The following RAB41 variants were observed in gnomAD, a reference collection of about 807,000 sequenced individuals.
The protein encoded by RAB41 is RAB41, member RAS oncogene family, also known as ras-related protein Rab-41.
RAB41 carries 15 observed loss-of-function variants against 19.0 expected under a neutral mutation model. The observed-to-expected ratio is 0.79, with a 90% CI of 0.53 to 1.21. The LOEUF is 1.21. Among genes scored for constraint, RAB41 ranks in the 50% most tolerant of loss-of-function variants. RAB41 has a pLI of 0.00. For missense variants in RAB41, 177 were observed against 179.7 expected, an observed-to-expected ratio of 0.99 and a Z score of 0.09; for synonymous variants, 73 against 64.7, an observed-to-expected ratio of 1.13 and a Z score of -0.62.
rs913120481 is a variant in RAB41 at position 70,283,495 on chromosome X, G to A, written c.344-18G>A. The A allele has an allele frequency of 1.7e-6, 2 of 1,162,860 alleles. No individual in the cohort carries two copies. The highest frequency in any genetic ancestry group is 1.2e-6 in the Non-Finnish European group (1 of 850,738). On this transcript the variant is annotated intron_variant, in intron 4 of 7. Coordinates refer to ENST00000374473, the MANE Select transcript of RAB41 (RefSeq NM_001363807.1). ...CTCTCCTAAATGTTTCAACGCTCTG[G>A]AACATATTCTCTTGCAGACATCAAT...
At chrX:70,283,417 GGATT>G (rs779342918) in intron 4 of RAB41, 44 bp downstream of exon 4, 23 of 1,106,323 alleles carry the variant, frequency 2.1e-5, no homozygotes, top group Non-Finnish European at 2.7e-5. Flanking sequence ...GATTATAAAG[GGATT>G]GATAGGGAGA....
intron 1 of RAB41, 87 bp from the exon 2 acceptor site, chrX:70,282,446 A>G: frequency 8.6e-7 from 1 of 1,160,096 alleles, no homozygotes; most frequent in Non-Finnish European, 1.2e-6. Flanking sequence ...GAAAGATTGG[A>G]GTTGGAGGAG....
At position 70,282,495 on chromosome X, in the gene RAB41, A is replaced by G. The variant is rs1489281100; in HGVS notation, c.125-38A>G. ...TAGAAACTTTGAGGGGAGAAAGGGC[A>G]CTGAGGGCGACGATTGGCCTGCTTA... On this transcript the variant is annotated intron_variant, in intron 1 of 7. Coordinates refer to ENST00000374473, the MANE Select transcript of RAB41 (RefSeq NM_001363807.1). 8 of 1,189,339 alleles carry G rather than the reference A, an allele frequency of 6.7e-6. No homozygotes were observed. In the Admixed American group the frequency reaches 1.3e-4, roughly 20 times the overall value.
chrX:70,282,353 G>T lies in RAB41; in HGVS notation c.124+12G>T. 1.7e-6 allele frequency: 2 copies of T among 1,211,129 alleles called. No individual in the cohort carries two copies. Among genetic ancestry groups the T allele is most frequent in the Non-Finnish European group, 2.2e-6 (2 of 894,842 alleles). The stretch of plus-strand genomic sequence containing the variant: ...GGGAGAGCAGAGCGGTGTGGGTCTG[G>T]GTTGGGCTTTGGGGACATGGAGGTG... On this transcript the variant is annotated intron_variant, in intron 1 of 7. Transcript: ENST00000374473.
At chrX:70,283,429 A>G (rs2085699927) in intron 4 of RAB41, 56 bp downstream of exon 4, 1 of 1,103,580 alleles carries the variant, frequency 9.1e-7, no homozygotes, top group South Asian at 1.8e-5. Context: ...ATTGATAGGG[A>G]GATTGACAAA....
rs773484731 is a variant in RAB41, at chrX:70,282,583, G to A, written c.175G>A (p.Ala59Thr). The change falls in exon 2 of 8, where the codon GCC becomes ACC. Residue 59 changes from alanine to threonine, a missense_variant. Coordinates refer to ENST00000374473, the MANE Select transcript of RAB41 (RefSeq NM_001363807.1). ...SRFMYNSFGC[A>T]CQATVGIDFL... ...CTTCATGTACAACAGCTTCGGCTGC[G>A]CCTGCCAGGTAAGACCACCACCGAG... is the stretch of plus-strand genomic sequence containing the variant. 25 of 1,207,175 alleles carry A rather than the reference G, an allele frequency of 2.1e-5. No homozygotes were observed. The highest frequency in any genetic ancestry group is 8.8e-5 in the Admixed American group (4 of 45,696).
chrX:70,282,775 T>C (rs750261299), intron 2 of RAB41, 27 bp from the exon 3 acceptor site: 1 of 1,204,109 alleles, frequency 8.3e-7, no homozygotes, highest in African/African-American at 1.7e-5. Flanking sequence ...GAGGGAATGC[T>C]GGAGTGTATC....
Position 70,282,567 on chromosome X carries a change from C to T in RAB41, c.159C>T (p.Tyr53=). The change falls in exon 2 of 8, where the codon TAC becomes TAT. Residue 53 remains tyrosine, a synonymous_variant. Coordinates refer to ENST00000374473, the MANE Select transcript of RAB41 (RefSeq NM_001363807.1). The part of the protein sequence containing the change: ...GKTSIISRFM[Y]NSFGCACQAT... ...CATCCATCATCAGCCGCTTCATGTA[C>T]AACAGCTTCGGCTGCGCCTGCCAGG... The T allele has an allele frequency of 4.1e-6, 5 of 1,211,177 alleles. No individual in the cohort carries two copies. Among genetic ancestry groups the T allele is most frequent in the Non-Finnish European group, 5.6e-6 (5 of 894,948 alleles).
At chrX:70,283,206 T>C (rs1450138216) in intron 3 of RAB41, 62 bp from the exon 4 acceptor site, 12 of 994,397 alleles carry the variant, frequency 1.2e-5, no homozygotes, top group Non-Finnish European at 1.7e-5. Flanking sequence ...GTTTGAGCTT[T>C]TTAAAAAGGC....
At position 70,283,283 on chromosome X, in the gene RAB41, T is replaced by C. The variant is rs2085698757; in HGVS notation, c.253T>C (p.Trp85Arg). The change falls in exon 4 of 8, where the codon TGG becomes CGG. Residue 85 changes from tryptophan to arginine, a missense_variant. Transcript: ENST00000374473. ...TTTTATGCAGGTTCAGCTGCAGCTA[T>C]GGGACACAGCTGGCCAGGAGCGCTT... ...LEDQIVQLQL[W>R]DTAGQERFHS... The C allele has an allele frequency of 3.3e-6, 4 of 1,208,979 alleles. No homozygotes were observed. In the African/African-American group the frequency reaches 5.2e-5, roughly 16 times the overall value.
intron 3 of RAB41, 87 bp downstream of exon 3, chrX:70,282,942 T>A: frequency 1.3e-6 from 1 of 762,766 alleles, no homozygotes. Context: ...CAAAAAAAAC[T>A]GAAGCCTCTT....
rs1299226718 is a variant in RAB41, at chrX:70,284,192, A to G, written c.550-74A>G. 4 of 1,115,821 alleles carry G rather than the reference A, an allele frequency of 3.6e-6. No homozygotes were observed. In the African/African-American group the frequency reaches 7.5e-5, roughly 21 times the overall value. The allele number at this position is 1,115,821 out of a possible 1,213,427, so 92.0% of individuals were successfully genotyped here. A position where few individuals can be genotyped will look rare whatever the true frequency, so the allele number is the denominator to read the frequency against. Reference sequence around the variant, plus strand: ...TCATGTATCTCAAAGGCCCTGAATTATCCTAGCCTCTGAACCTGACCTTTT... The same window carrying G: ...TCATGTATCTCAAAGGCCCTGAATTGTCCTAGCCTCTGAACCTGACCTTTT... On this transcript the variant is annotated intron_variant, in intron 6 of 7. Transcript: ENST00000374473.
intron 3 of RAB41, 51 bp from the exon 4 acceptor site, chrX:70,283,217 T>C (rs374093315): frequency 2.6e-5 from 27 of 1,022,240 alleles, no homozygotes; most frequent in Non-Finnish European, 4.1e-6. Flanking sequence ...TTAAAAAGGC[T>C]AGTTTCTTGT....
chrX:70,282,968 T>C (rs755231731), intron 3 of RAB41, 113 bp downstream of exon 3: 33 of 623,557 alleles, frequency 5.3e-5, no homozygotes, highest in Admixed American at 5.2e-4. Context: ...TACCAAGCCC[T>C]ATGATGTTTC....
Position 70,284,737 on chromosome X carries a change from C to T in RAB41, c.*94C>T, listed in dbSNP as rs1055098050. The T allele has an allele frequency of 1.0e-5, 7 of 679,001 alleles. No individual in the cohort carries two copies. The African/African-American group carries it at 1.3e-4, about 12-fold the overall frequency. 56.0% of individuals were successfully genotyped at this position (679,001 alleles called of 1,213,427 possible). A position where few individuals can be genotyped will look rare whatever the true frequency, so the allele number is the denominator to read the frequency against. ...CCCACCTCGTTTTATGATACATGGCCACTTACTCTCTTCCAATTCCTAGGC... is the reference window on the plus strand; with the variant it reads ...CCCACCTCGTTTTATGATACATGGCTACTTACTCTCTTCCAATTCCTAGGC... On this transcript the variant is annotated 3_prime_UTR_variant, in exon 8 of 8. Transcript: ENST00000374473.
intron 4 of RAB41, 69 bp from the exon 5 acceptor site, chrX:70,283,444 G>C: frequency 9.1e-7 from 1 of 1,099,934 alleles, no homozygotes; most frequent in Non-Finnish European, 1.3e-6. Flanking sequence ...GACAAAATTA[G>C]CAGAGAGGAA....
chrX:70,284,041 A>G lies in RAB41; in HGVS notation c.547A>G (p.Lys183Glu). 1 of 1,156,376 alleles carries G rather than the reference A, an allele frequency of 8.6e-7. No individual in the cohort carries two copies. Among genetic ancestry groups the G allele is most frequent in the Non-Finnish European group, 1.2e-6 (1 of 845,481 alleles). ...TSAKTGYNVK[K>E]LFRRVASALL... The stretch of plus-strand genomic sequence containing the variant: ...TGCCAAAACCGGTTACAACGTGAAA[A>G]AGGTAATACTTGTTTCTTTCTATGA... The change falls in exon 6 of 8, where the codon AAG becomes GAG. Residue 183 changes from lysine (K) to glutamate (E), a missense_variant and splice_region_variant. Coordinates refer to ENST00000374473, the MANE Select transcript of RAB41 (RefSeq NM_001363807.1).
rs2085695317 is a variant in RAB41, at chrX:70,282,730, A to T, written c.184-72A>T. 2.7e-6 allele frequency: 3 copies of T among 1,123,043 alleles called. No homozygotes were observed. The African/African-American group carries it at 5.4e-5, about 20-fold the overall frequency. 92.6% of individuals were successfully genotyped at this position (1,123,043 alleles called of 1,213,427 possible). A position where few individuals can be genotyped will look rare whatever the true frequency, so the allele number is the denominator to read the frequency against. On this transcript the variant is annotated intron_variant, in intron 2 of 7. Coordinates refer to ENST00000374473, the MANE Select transcript of RAB41 (RefSeq NM_001363807.1). ...ACAACTTCTTGAAGGGTCATTCTCC[A>T]CTTTGGGTTCTAAGACTGCCTCATA...
chrX:70,284,213 C>CT (rs376731795), intron 6 of RAB41, 53 bp from the exon 7 acceptor site: 75 of 929,964 alleles, frequency 8.1e-5, no homozygotes, highest in African/African-American at 1.8e-4. Flanking sequence ...TGAACCTGAC[C>CT]TTTTTTTTTT....
Sources: gnomAD v4.1 joint callset for allele counts on GRCh38, gnomAD v4.1.1 for gene constraint, MANE v1.5 for transcripts, NCBI Gene and HGNC (gene_info 2026-07-23, HGNC 2026-07-21) for gene names.